NRXN3: variants seen among roughly 807,000 people sequenced by gnomAD.
NRXN3 encodes the protein neurexin 3.
A neutral mutation model predicts 137.6 loss-of-function variants in NRXN3; 32 were observed. The observed-to-expected ratio is 0.23, with a 90% CI of 0.18 to 0.31. The LOEUF (loss-of-function observed/expected upper bound fraction) is 0.31. Ranked by LOEUF, NRXN3 falls within the 10% of genes least tolerant of loss-of-function variation. The pLI, the probability that NRXN3 is intolerant of heterozygous loss-of-function variation, is 1.00. For synonymous variants in NRXN3, 798 were observed against 784.5 expected (o/e 1.02, Z -0.29); for missense variants, 1,574 against 2,062.5 (o/e 0.76, Z 4.59).
At chr14:78,485,363 A>G (rs1404587524) in intron 4 of NRXN3, among the ~76,000 whole-genome samples, 2 of 152,162 alleles carry the variant, frequency 1.3e-5, no homozygotes, top group Non-Finnish European at 2.9e-5. Context: ...CTGGTAAGTT[A>G]TCTACCTCCC....
chr14:79,697,121 T>C (rs2098738480), intron 18 of NRXN3, among the ~76,000 whole-genome samples: 1 of 152,034 alleles, frequency 6.6e-6, no homozygotes, highest in Non-Finnish European at 1.5e-5. Flanking sequence ...AATCCAAGTC[T>C]CTTAACTGAA....
chr14:79,341,379 A>G (rs917690170), intron 15 of NRXN3, among the ~76,000 whole-genome samples: 1 of 152,026 alleles, frequency 6.6e-6, no homozygotes, highest in Non-Finnish European at 1.5e-5. Context: ...TTCGCTGCAA[A>G]TCCTATAAGC....
intron 20 of NRXN3, among the ~76,000 whole-genome samples, chr14:79,835,270 A>T (rs1364330795): frequency 6.6e-6 from 1 of 152,152 alleles, no homozygotes; most frequent in Non-Finnish European, 1.5e-5. Flanking sequence ...ATTTCAAAAC[A>T]TTATGTTGCA....
intron 15 of NRXN3, among the ~76,000 whole-genome samples, chr14:79,294,475 T>A (rs1400484337): frequency 1.3e-5 from 2 of 152,216 alleles, no homozygotes. Context: ...AATTATTTGA[T>A]CCACAGCACA....
At chr14:79,061,556 T>G (rs1271646657) in intron 15 of NRXN3, among the ~76,000 whole-genome samples, 1 of 152,144 alleles carries the variant, frequency 6.6e-6, no homozygotes, top group Non-Finnish European at 1.5e-5. Context: ...AAGTAAAACT[T>G]ACAAGGACGA....
intron 19 of NRXN3, among the ~76,000 whole-genome samples, chr14:79,708,611 T>TGACA (rs1194076637): frequency 1.3e-5 from 2 of 152,104 alleles, no homozygotes; most frequent in Non-Finnish European, 2.9e-5. Context: ...ATTATGTCTA[T>TGACA]GACAAGGTGG....
chr14:78,417,700 C>T (rs2093219640), intron 4 of NRXN3, among the ~76,000 whole-genome samples: 1 of 152,184 alleles, frequency 6.6e-6, no homozygotes, highest in Non-Finnish European at 1.5e-5. Flanking sequence ...GCAGTGGAGA[C>T]AAGATTCTCA....
chr14:78,784,168 G>A (rs549014575), intron 8 of NRXN3, among the ~76,000 whole-genome samples: 162 of 152,176 alleles, frequency 1.1e-3, no homozygotes, highest in African/African-American at 3.8e-3. Flanking sequence ...CAGGGAGATA[G>A]GGGAATTGGG....
rs1450738024 is a variant in NRXN3 at position 79,866,233 on chromosome 14, AGTTT to A, written c.*4270_*4273del. The A allele has an allele frequency of 1.3e-5, 2 of 152,214 alleles. No homozygotes were observed. The highest frequency in any genetic ancestry group is 4.8e-5 in the African/African-American group (2 of 41,454). 9.4% of individuals were successfully genotyped at this position (152,214 alleles called of 1,614,324 possible). ...AGTTGAACTAATATCTTGATTATAT[AGTTT>A]AAGATCAGTTTGATAATGTCTATTG... On this transcript the variant is annotated 3_prime_UTR_variant, in exon 21 of 21. Transcript: ENST00000335750.
intron 8 of NRXN3, among the ~76,000 whole-genome samples, chr14:78,740,885 A>T (rs2098565804): frequency 6.6e-6 from 1 of 152,096 alleles, no homozygotes; most frequent in African/African-American, 2.4e-5. Flanking sequence ...TTTTCAGTAA[A>T]CATATAAAAT....
intron 15 of NRXN3, 37 bp from the exon 16 acceptor site, chr14:79,467,184 A>G: frequency 6.4e-7 from 1 of 1,566,024 alleles, no homozygotes; most frequent in Non-Finnish European, 8.7e-7. Context: ...TATGCAATGT[A>G]GTGCCTTGAT....
At position 79,427,609 on chromosome 14, in the gene NRXN3, C is replaced by G. The variant is rs148137647; in HGVS notation, c.3263-39612C>G. 6.4e-3 allele frequency among the ~76,000 whole-genome samples: 981 copies of G among 152,130 alleles called. 12 individuals are homozygous for G. The highest frequency in any genetic ancestry group is 0.023 in the African/African-American group (945 of 41,528). ...GGGTGACTCACTTCAGGTCGGGTCA[C>G]TCACTTGAGACCAGGAGTTCGAGAC... On this transcript the variant is annotated intron_variant, in intron 15 of 20. Coordinates refer to ENST00000335750, the MANE Select transcript of NRXN3 (RefSeq NM_001330195.2).
chr14:78,987,019 CAAAAAAAAAAA>C lies in NRXN3; in HGVS notation c.3143-989_3143-979del, dbSNP rs36081362. On this transcript the variant is annotated intron_variant, in intron 14 of 20. Coordinates refer to ENST00000335750, the MANE Select transcript of NRXN3 (RefSeq NM_001330195.2). ...GTCTAGCAACAGAGCGAGACTGTCT[CAAAAAAAAAAA>C]AAAAAAAAAAAAAGAATTCATTTTT... Among the ~76,000 whole-genome samples the C allele has an allele frequency of 1.8e-4, 10 of 54,112 alleles. 2 individuals are homozygous for C. The highest frequency in any genetic ancestry group is 4.7e-4 in the African/African-American group (9 of 18,980). The allele number at this position is 54,112 out of a possible 152,430, so 35.5% of individuals were successfully genotyped here. A position where few individuals can be genotyped will look rare whatever the true frequency, so the allele number is the denominator to read the frequency against.
chr14:79,579,659 C>A (rs911488461), intron 16 of NRXN3, among the ~76,000 whole-genome samples: 2 of 151,882 alleles, frequency 1.3e-5, no homozygotes, highest in African/African-American at 4.8e-5. Flanking sequence ...GATGGAGTTT[C>A]TTTTTAAAAG....
intron 4 of NRXN3, among the ~76,000 whole-genome samples, chr14:78,332,609 C>T (rs917654429): frequency 2.6e-5 from 4 of 152,184 alleles, no homozygotes; most frequent in African/African-American, 9.7e-5. Flanking sequence ...CCGCTGCACC[C>T]AGCCTGTACC....
chr14:78,801,447 C>T (rs941231814), intron 8 of NRXN3, among the ~76,000 whole-genome samples: 6 of 152,180 alleles, frequency 3.9e-5, no homozygotes, highest in Admixed American at 2.0e-4. Context: ...AAGCTGGCAT[C>T]TTTTTCACAA....
intron 14 of NRXN3, among the ~76,000 whole-genome samples, chr14:78,985,326 C>T (rs965673177): frequency 5.3e-5 from 8 of 152,162 alleles, no homozygotes; most frequent in African/African-American, 1.9e-4. Context: ...AGCTTTCAAA[C>T]TTTTGATGAT....
rs769808410 is a variant in NRXN3, at chr14:78,243,254, A to G, written c.161A>G (p.Gln54Arg). 28 of 1,558,242 alleles carry G rather than the reference A, an allele frequency of 1.8e-5. No homozygotes were observed. Among genetic ancestry groups the G allele is most frequent in the Non-Finnish European group, 2.2e-5 (26 of 1,159,640 alleles). ...DASTRSDLSF[Q>R]FKTNVSTGLL... ...AGCACACGCAGTGACCTGAGTTTCCAGTTCAAGACCAACGTCTCTACGGGG... is the reference window on the plus strand; with the variant it reads ...AGCACACGCAGTGACCTGAGTTTCCGGTTCAAGACCAACGTCTCTACGGGG... Residue 54 changes from glutamine (Q) to arginine (R), a missense_variant, in exon 2 of 21, where the codon CAG becomes CGG. Physicochemically the swap from Gln to Arg is conservative, Grantham distance 43 (BLOSUM62 1). Around this residue, in one of 5 missense-constraint regions of NRXN3, gnomAD observed 400 missense variants for 527.3 expected, o/e 0.76. Coordinates refer to ENST00000335750, the MANE Select transcript of NRXN3 (RefSeq NM_001330195.2). The surrounding 1 kb of genome is among the most constrained non-coding windows in gnomAD (Gnocchi z 4.2).
chr14:79,214,016 G>A (rs2068102541), intron 15 of NRXN3, among the ~76,000 whole-genome samples: 1 of 152,224 alleles, frequency 6.6e-6, no homozygotes, highest in Non-Finnish European at 1.5e-5. Flanking sequence ...ACACTTTATA[G>A]TTAAGCTTGG....
Sources: gnomAD v4.1 joint callset for allele counts (sites outside exome capture counted in the v4.1 genomes callset) on GRCh38, gnomAD v4.1.1 for gene constraint, gnomAD v4.1.1 regional missense constraint, Gnocchi (gnomAD v3.1) non-coding constraint, MANE v1.5 for transcripts, NCBI Gene and HGNC (gene_info 2026-07-23, HGNC 2026-07-21) for gene names.